NELL1: variants seen among roughly 807,000 people sequenced by gnomAD.
NELL1 encodes the protein protein kinase C-binding protein NELL1.
In NELL1, 76 loss-of-function variants were observed where a neutral mutation model predicts 107.4. The observed-to-expected ratio is 0.71, with a 90% CI of 0.59 to 0.86. NELL1 has a LOEUF of 0.86. NELL1 is among the 40% of genes least tolerant of loss of function. NELL1 has a pLI of 0.00. For missense variants in NELL1, 1,024 were observed against 1,005.5 expected (o/e 1.02, Z -0.25); for synonymous variants, 353 against 341.2 (o/e 1.03, Z -0.38).
intron 16 of NELL1, among the ~76,000 whole-genome samples, chr11:21,557,291 A>T (rs1286331409): frequency 6.6e-6 from 1 of 151,982 alleles, no homozygotes; most frequent in Non-Finnish European, 1.5e-5. Context: ...GTGAAAGCAA[A>T]TCCTGGTTTT....
chr11:21,399,816 A>C (rs1344724092), intron 15 of NELL1, among the ~76,000 whole-genome samples: 1 of 151,778 alleles, frequency 6.6e-6, no homozygotes, highest in East Asian at 2.0e-4. Flanking sequence ...CCGATGATGG[A>C]AAATAACGGC....
chr11:20,710,255 C>T (rs904178395), intron 2 of NELL1, among the ~76,000 whole-genome samples: 1 of 152,166 alleles, frequency 6.6e-6, no homozygotes, highest in African/African-American at 2.4e-5. Flanking sequence ...GGTTTTTAAT[C>T]ATAAAGTGAT....
At chr11:21,458,103 G>C (rs1853797089) in intron 15 of NELL1, among the ~76,000 whole-genome samples, 1 of 152,190 alleles carries the variant, frequency 6.6e-6, no homozygotes, top group African/African-American at 2.4e-5. Flanking sequence ...TATCCGAAGA[G>C]AGACACTGGG....
At chr11:21,500,938 C>G (rs1314126588) in intron 15 of NELL1, among the ~76,000 whole-genome samples, 2 of 151,978 alleles carry the variant, frequency 1.3e-5, no homozygotes, top group Non-Finnish European at 2.9e-5. Context: ...TGTTTTTTCC[C>G]CTATGCTGTG....
intron 18 of NELL1, among the ~76,000 whole-genome samples, chr11:21,571,395 C>T (rs775347187): frequency 1.3e-5 from 2 of 151,830 alleles, no homozygotes; most frequent in Admixed American, 1.3e-4. Context: ...CACATACTAG[C>T]TTAAAATGAT....
chr11:21,451,978 A>C (rs1167001062), intron 15 of NELL1, among the ~76,000 whole-genome samples: 1 of 152,184 alleles, frequency 6.6e-6, no homozygotes, highest in Non-Finnish European at 1.5e-5. Flanking sequence ...ATAAGGCAAC[A>C]CAATCAAAAT....
chr11:21,205,460 G>T (rs1245801340), intron 13 of NELL1, among the ~76,000 whole-genome samples: 6 of 152,180 alleles, frequency 3.9e-5, no homozygotes, highest in Non-Finnish European at 8.8e-5. Flanking sequence ...AATGGCAGAC[G>T]GCATTCCCCC....
Position 21,050,419 on chromosome 11 carries a change from CT to C in NELL1, c.1301-63160del, listed in dbSNP as rs202186693. Among the ~76,000 whole-genome samples the C allele has an allele frequency of 2.8e-3, 411 of 146,276 alleles. 1 individual carries two copies. Among genetic ancestry groups the C allele is most frequent in the African/African-American group, 8.7e-3 (351 of 40,124 alleles). On this transcript the variant is annotated intron_variant, in intron 12 of 19. Transcript: ENST00000357134. Reference sequence around the variant, plus strand: ...TTTGAGACAATCTATTTTAAATTGGCTTTTTTTTTTGAAGGAAGTTGATTTA... The same window carrying C: ...TTTGAGACAATCTATTTTAAATTGGCTTTTTTTTTGAAGGAAGTTGATTTA...
At chr11:21,232,159 A>AAAT (rs1554985116) in intron 14 of NELL1, among the ~76,000 whole-genome samples, 23 of 73,198 alleles carry the variant, frequency 3.1e-4, no homozygotes, top group African/African-American at 1.2e-3. Flanking sequence ...AAAAAAAAAA[A>AAAT]ATATATATAT....
At position 21,362,599 on chromosome 11, in the gene NELL1, A is replaced by G. The variant is rs910140514; in HGVS notation, c.1550-8254A>G. On this transcript the variant is annotated intron_variant, in intron 14 of 19. Transcript: ENST00000357134. ...CAGAGTTATTCTGTCCTGAATTGCT[A>G]TAATGGAGTTGGTTGGCCTCCAGCC... 2.0e-5 allele frequency among the ~76,000 whole-genome samples: 3 copies of G among 149,632 alleles called. No homozygotes were observed. The Admixed American group carries it at 2.0e-4, about 10-fold the overall frequency.
chr11:21,550,996 T>G (rs940929091), intron 16 of NELL1, among the ~76,000 whole-genome samples: 12 of 150,616 alleles, frequency 8.0e-5, no homozygotes, highest in African/African-American at 2.7e-4. Flanking sequence ...TTCCATTTGG[T>G]TTTATCCTCT....
chr11:21,378,798 T>C (rs1020322584), intron 15 of NELL1, among the ~76,000 whole-genome samples: 1 of 149,856 alleles, frequency 6.7e-6, no homozygotes, highest in Non-Finnish European at 1.5e-5. Flanking sequence ...GCTCACAGCA[T>C]CCTCCACCTC....
At chr11:21,409,326 C>G (rs1297734466) in intron 15 of NELL1, among the ~76,000 whole-genome samples, 2 of 151,934 alleles carry the variant, frequency 1.3e-5, no homozygotes, top group Non-Finnish European at 2.9e-5. Flanking sequence ...TAAACTATCA[C>G]AATGACAAAA....
intron 4 of NELL1, among the ~76,000 whole-genome samples, chr11:20,849,338 C>T (rs1848756124): frequency 6.6e-6 from 1 of 152,206 alleles, no homozygotes. Context: ...ACATTCTTCT[C>T]TCTGGAGCAG....
intron 2 of NELL1, among the ~76,000 whole-genome samples, chr11:20,719,745 C>G (rs1029887067): frequency 2.0e-5 from 3 of 152,122 alleles, no homozygotes; most frequent in Admixed American, 1.3e-4. Context: ...CTCTTTTAGT[C>G]TAAGATAGTG....
intron 2 of NELL1, among the ~76,000 whole-genome samples, chr11:20,775,266 A>G (rs781742100): frequency 9.2e-5 from 14 of 152,220 alleles, no homozygotes; most frequent in Non-Finnish European, 7.3e-5. Flanking sequence ...ATGTTACCAT[A>G]GACTTGGTAT....
At chr11:21,513,943 C>A (rs1014986227) in intron 15 of NELL1, among the ~76,000 whole-genome samples, 1 of 152,120 alleles carries the variant, frequency 6.6e-6, no homozygotes. Flanking sequence ...CCTGGGATTC[C>A]AGGCATTGTG....
chr11:20,932,812 A>G (rs1451814498), intron 9 of NELL1, among the ~76,000 whole-genome samples: 1 of 152,204 alleles, frequency 6.6e-6, no homozygotes, highest in African/African-American at 2.4e-5. Context: ...TTCTCCAGAG[A>G]GATCTCTGTT....
At position 21,113,597 on chromosome 11, in the gene NELL1, G is replaced by C; in HGVS notation, c.1309G>C (p.Glu437Gln). 1 of 1,610,052 alleles carries C rather than the reference G, an allele frequency of 6.2e-7. No homozygotes were observed. Residue 437 changes from glutamate to glutamine, a missense_variant, in exon 13 of 20, where the codon GAG becomes CAG. Glu to Gln is a conservative substitution (Grantham distance 29). Coordinates refer to ENST00000357134, the MANE Select transcript of NELL1 (RefSeq NM_006157.5). Reference sequence around the variant, plus strand: ...TATTTTTTTTCCTTCAGATATTGATGAGTGTGCAGCTAAGATGCATTACTG... The same window carrying C: ...TATTTTTTTTCCTTCAGATATTGATCAGTGTGCAGCTAAGATGCATTACTG... Reference protein sequence around the residue: ...GDSAYCEDIDECAAKMHYCHA... With the variant: ...GDSAYCEDIDQCAAKMHYCHA...
Sources: allele counts gnomAD v4.1 joint callset (sites outside exome capture counted in the v4.1 genomes callset), GRCh38; gene constraint gnomAD v4.1.1; transcripts MANE v1.5; gene names NCBI Gene and HGNC (gene_info 2026-07-23, HGNC 2026-07-21).